PRKCA: variants seen among roughly 807,000 people sequenced by gnomAD.
PRKCA encodes the protein protein kinase C alpha type.
A neutral mutation model predicts 87.0 loss-of-function variants in PRKCA; 27 were observed. That is an observed-to-expected ratio of 0.31 (90% CI 0.23 to 0.43). PRKCA has a LOEUF of 0.43. Among genes scored for constraint, PRKCA ranks in the 20% least tolerant of loss-of-function variants. The pLI is 1.00. For synonymous variants in PRKCA, 329 were observed against 311.1 expected (o/e 1.06, Z -0.61); for missense variants, 518 against 852.3 (o/e 0.61, Z 4.88).
chr17:66,539,761 C>T (rs2361486), intron 3 of PRKCA, among the ~76,000 whole-genome samples: 21,965 of 152,124 alleles, frequency 0.14, 1,828 homozygotes, highest in East Asian at 0.19. Flanking sequence ...CATCAGAAAA[C>T]CTCATCGTAC....
intron 3 of PRKCA, among the ~76,000 whole-genome samples, chr17:66,527,066 A>G (rs1238647342): frequency 6.6e-6 from 1 of 152,154 alleles, no homozygotes; most frequent in East Asian, 1.9e-4. Context: ...ACAGTTGAAT[A>G]CTTGAGGCAG....
chr17:66,756,241 C>T (rs528542983), intron 13 of PRKCA, among the ~76,000 whole-genome samples: 3 of 152,254 alleles, frequency 2.0e-5, no homozygotes, highest in South Asian at 2.1e-4. Flanking sequence ...CCTCAGGAGA[C>T]GCTAATGTGA....
chr17:66,459,155 T>G (rs1355065362), intron 2 of PRKCA, among the ~76,000 whole-genome samples: 1 of 151,782 alleles, frequency 6.6e-6, no homozygotes, highest in Non-Finnish European at 1.5e-5. Context: ...GGTGGATTGC[T>G]TCAGCCCAGG....
chr17:66,389,336 C>T (rs16959125), intron 2 of PRKCA, among the ~76,000 whole-genome samples: 18,760 of 152,164 alleles, frequency 0.12, 1,495 homozygotes, highest in East Asian at 0.28. Context: ...GAGGACCTCT[C>T]CTGCAGCGTA....
In PRKCA at chr17:66,761,134, G is replaced by A. The variant is rs1356488965; in HGVS notation, c.1525-12853G>A. Reference sequence around the variant, plus strand: ...CACCTGTAATCCCAACACTTTGGGAGGCCGAGGTGGGCGGATCACAAGGTC... The same window carrying A: ...CACCTGTAATCCCAACACTTTGGGAAGCCGAGGTGGGCGGATCACAAGGTC... On this transcript the variant is annotated intron_variant, in intron 13 of 16. Coordinates refer to ENST00000413366, the MANE Select transcript of PRKCA (RefSeq NM_002737.3). Among the ~76,000 whole-genome samples, 3 of 152,112 alleles carry A rather than the reference G, an allele frequency of 2.0e-5. No homozygotes were observed. The East Asian group carries it at 5.8e-4, about 30-fold the overall frequency.
intron 3 of PRKCA, among the ~76,000 whole-genome samples, chr17:66,499,434 G>T (rs913882673): frequency 6.6e-6 from 1 of 152,194 alleles, no homozygotes; most frequent in African/African-American, 2.4e-5. Context: ...CTGCGTATAA[G>T]TAGGTAACAT....
At chr17:66,612,839 C>T (rs1970407233) in intron 3 of PRKCA, among the ~76,000 whole-genome samples, 1 of 151,566 alleles carries the variant, frequency 6.6e-6, no homozygotes, top group Middle Eastern at 3.4e-3. Flanking sequence ...CTCTTACAAA[C>T]AGTTGAAGAA....
intron 2 of PRKCA, among the ~76,000 whole-genome samples, chr17:66,396,653 G>A (rs908602529): frequency 3.2e-4 from 41 of 128,750 alleles, no homozygotes; most frequent in African/African-American, 1.1e-3. Context: ...TTTCGTGACA[G>A]AGTCTCGCTC....
chr17:66,378,420 G>GT (rs1464637951), intron 2 of PRKCA, among the ~76,000 whole-genome samples: 1 of 152,132 alleles, frequency 6.6e-6, no homozygotes, highest in African/African-American at 2.4e-5. Flanking sequence ...CATTTTGGTG[G>GT]TTTTTTAGTA....
chr17:66,540,102 T>C (rs950238778), intron 3 of PRKCA, among the ~76,000 whole-genome samples: 2 of 152,166 alleles, frequency 1.3e-5, no homozygotes, highest in Non-Finnish European at 2.9e-5. Flanking sequence ...GGAGGTGATG[T>C]TTTCCCCATT....
At chr17:66,549,159 T>TA (rs1053164849) in intron 3 of PRKCA, among the ~76,000 whole-genome samples, 14 of 146,950 alleles carry the variant, frequency 9.5e-5, no homozygotes, top group African/African-American at 3.6e-4. Flanking sequence ...TTTTTTTTTT[T>TA]ACAATAACCA....
In PRKCA at chr17:66,585,645, C is replaced by T. The variant is rs7222522; in HGVS notation, c.289-55710C>T. On this transcript the variant is annotated intron_variant, in intron 3 of 16. Coordinates refer to ENST00000413366, the MANE Select transcript of PRKCA (RefSeq NM_002737.3). ...GTTTCCACCCAAGGACGCACTTCCC[C>T]ATTCCCCATGGCACCAGCAATGTGG... Among the ~76,000 whole-genome samples the T allele has an allele frequency of 9.6e-3, 1,459 of 152,322 alleles. 26 individuals are homozygous for T. Among genetic ancestry groups the T allele is most frequent in the African/African-American group, 0.034 (1,401 of 41,574 alleles).
rs118092445 is a variant in PRKCA at position 66,603,066 on chromosome 17, G to A, written c.289-38289G>A. 1.5e-3 allele frequency among the ~76,000 whole-genome samples: 233 copies of A among 152,226 alleles called. No individual in the cohort carries two copies. The East Asian group carries it at 0.018, about 12-fold the overall frequency. ...TTTCATGGTCATGTGACAAGAGCCC[G>A]GCTTTTAGCTGAACTAAAGAGAAAG... On this transcript the variant is annotated intron_variant, in intron 3 of 16. Coordinates refer to ENST00000413366, the MANE Select transcript of PRKCA (RefSeq NM_002737.3).
At position 66,689,819 on chromosome 17, in the gene PRKCA, G is replaced by A. The variant is rs186801966; in HGVS notation, c.918+772G>A. Among the ~76,000 whole-genome samples the A allele has an allele frequency of 2.0e-5, 3 of 152,240 alleles. No individual in the cohort carries two copies. The highest frequency in any genetic ancestry group is 4.8e-5 in the African/African-American group (2 of 41,544). The stretch of plus-strand genomic sequence containing the variant: ...TAATCACCCTTCATTTTGGCTGTTC[G>A]AGGGACTCCTAGAGTAGCCTTTTCA... On this transcript the variant is annotated intron_variant, in intron 8 of 16. Coordinates refer to ENST00000413366, the MANE Select transcript of PRKCA (RefSeq NM_002737.3). The surrounding 1 kb of genome is among the most constrained non-coding windows in gnomAD (Gnocchi z 4.1).
chr17:66,396,784 A>G (rs1310207483), intron 2 of PRKCA, among the ~76,000 whole-genome samples: 1 of 151,436 alleles, frequency 6.6e-6, no homozygotes, highest in African/African-American at 2.4e-5. Flanking sequence ...ACCCGCCACC[A>G]TGCCTCGCCC....
chr17:66,648,315 G>A (rs564549222), intron 5 of PRKCA, among the ~76,000 whole-genome samples: 28 of 152,218 alleles, frequency 1.8e-4, no homozygotes, highest in Non-Finnish European at 3.7e-4. Flanking sequence ...ACAGCAAATA[G>A]TAGCAGCAGC....
At chr17:66,402,481 T>C (rs566006773) in intron 2 of PRKCA, among the ~76,000 whole-genome samples, 2 of 150,444 alleles carry the variant, frequency 1.3e-5, no homozygotes, top group African/African-American at 4.9e-5. Context: ...AGGGAAGAGG[T>C]TGTTGATAAT....
intron 2 of PRKCA, among the ~76,000 whole-genome samples, chr17:66,338,498 A>C (rs1346571408): frequency 6.6e-6 from 1 of 151,936 alleles, no homozygotes; most frequent in African/African-American, 2.4e-5. Flanking sequence ...CATTGTATTA[A>C]TTTTTCTGAC....
At chr17:66,465,547 A>T (rs1218218035) in intron 2 of PRKCA, among the ~76,000 whole-genome samples, 2 of 150,220 alleles carry the variant, frequency 1.3e-5, no homozygotes. Context: ...ATGTGCCACC[A>T]TGCCTGGCTA....
Sources: gnomAD v4.1 joint callset for allele counts (sites outside exome capture counted in the v4.1 genomes callset) on GRCh38, gnomAD v4.1.1 for gene constraint, Gnocchi (gnomAD v3.1) non-coding constraint, MANE v1.5 for transcripts, NCBI Gene and HGNC (gene_info 2026-07-23, HGNC 2026-07-21) for gene names.